The following MUC13 variants were observed in gnomAD, a reference collection of about 807,000 sequenced individuals.
MUC13 encodes the protein mucin-13.
MUC13 carries 32 observed loss-of-function variants against 48.3 expected under a neutral mutation model. The ratio of observed to expected loss-of-function variants is 0.66; its 90% CI spans 0.50 to 0.89. MUC13 has a LOEUF of 0.89. Ranked by LOEUF, MUC13 falls within the 40% of genes least tolerant of loss-of-function variation. The probability of loss-of-function intolerance (pLI) is 0.00; values close to 1 mark genes in which losing one functional copy is unlikely to be tolerated. For synonymous variants in MUC13, 199 were observed against 224.9 expected (o/e 0.88, Z 1.03); for missense variants, 571 against 622.8 (o/e 0.92, Z 0.88).
At chr3:124,920,761 G>T (rs1935580889) in intron 4 of MUC13, among the ~76,000 whole-genome samples, 2 of 152,250 alleles carry the variant, frequency 1.3e-5, no homozygotes, top group Non-Finnish European at 2.9e-5. Flanking sequence ...GCTCAGTAAA[G>T]CCACATGAAG....
chr3:124,925,061 A>G (rs926451019), intron 2 of MUC13, among the ~76,000 whole-genome samples: 1 of 152,216 alleles, frequency 6.6e-6, no homozygotes, highest in Non-Finnish European at 1.5e-5. Context: ...CATGAGTGCC[A>G]CTACTTGGAA....
intron 4 of MUC13, 23 bp from the exon 5 acceptor site, chr3:124,920,312 TAAC>T (rs1935573183): frequency 3.8e-6 from 6 of 1,570,050 alleles, no homozygotes; most frequent in Non-Finnish European, 5.2e-6. Flanking sequence ...ACAGATTTAA[TAAC>T]AAGTAAAAAA....
Position 124,912,001 on chromosome 3 carries a change from A to G in MUC13, c.1252+103T>C, listed in dbSNP as rs190726352. 279 of 1,462,878 alleles carry G rather than the reference A, an allele frequency of 1.9e-4. 2 individuals carry two copies. In the East Asian group the frequency reaches 6.6e-3, roughly 35 times the overall value. 90.6% of individuals were successfully genotyped at this position (1,462,878 alleles called of 1,614,324 possible). ...CAGATGGTCTCTCTCTTTATGAAAG[A>G]GGACAGAGACTTTGAAGGACTGGGC... On this transcript the variant is annotated intron_variant, in intron 9 of 11. Transcript: ENST00000616727.
chr3:124,916,111 C>A (rs914393339), intron 6 of MUC13, among the ~76,000 whole-genome samples: 1 of 152,126 alleles, frequency 6.6e-6, no homozygotes, highest in Non-Finnish European at 1.5e-5. Context: ...ACACACTGGT[C>A]AGTTTGATGA....
At chr3:124,907,978 CG>C (rs1935346532) in intron 11 of MUC13, among the ~76,000 whole-genome samples, 168 bp downstream of exon 11, 1 of 152,094 alleles carries the variant, frequency 6.6e-6, no homozygotes, top group Non-Finnish European at 1.5e-5. Flanking sequence ...CTCAGAGTTA[CG>C]ACAGCAGGGA....
At chr3:124,921,294 C>T (rs1000941597) in intron 4 of MUC13, among the ~76,000 whole-genome samples, 8 of 152,058 alleles carry the variant, frequency 5.3e-5, no homozygotes, top group Non-Finnish European at 1.2e-4. Context: ...GGATTACAGG[C>T]GCCTGCCACC....
chr3:124,912,072 C>A (rs1355052488), intron 9 of MUC13, 32 bp downstream of exon 9: 10 of 1,607,408 alleles, frequency 6.2e-6, no homozygotes, highest in African/African-American at 1.3e-5. Context: ...TGTTTAATAA[C>A]TTGTTTATAA....
At chr3:124,911,816 A>C (rs1255981868) in intron 9 of MUC13, among the ~76,000 whole-genome samples, 1 of 152,152 alleles carries the variant, frequency 6.6e-6, no homozygotes, top group Admixed American at 6.5e-5. Context: ...AATGCAGGAA[A>C]TCAACATAAT....
intron 6 of MUC13, 130 bp downstream of exon 6, chr3:124,916,187 A>C: frequency 1.4e-6 from 1 of 725,152 alleles, no homozygotes; most frequent in Non-Finnish European, 2.3e-6. Context: ...AATTGGATAA[A>C]AAGAAATTTA....
At chr3:124,925,290 AG>A (rs1215196242) in intron 2 of MUC13, among the ~76,000 whole-genome samples, 1 of 152,244 alleles carries the variant, frequency 6.6e-6, no homozygotes, top group African/African-American at 2.4e-5. Flanking sequence ...GACAGTAAAA[AG>A]ATCTGTGGTT....
At position 124,913,196 on chromosome 3, in the gene MUC13, G is replaced by T; in HGVS notation, c.1129C>A (p.Gln377Lys). Residue 377 changes from glutamine to lysine, a missense_variant, in exon 8 of 12, where the codon CAA becomes AAA. Transcript: ENST00000616727. ...CCACCACTCTTCTTTATTAAGCATT[G>T]CTTGTGCTGTGCGTTGCAGGCATCA... ...CPDACNAQHKQCLIKKSGGAP... is the reference protein window; with the variant it reads ...CPDACNAQHKKCLIKKSGGAP... The T allele has an allele frequency of 1.2e-6, 2 of 1,614,066 alleles. No individual in the cohort carries two copies. The highest frequency in any genetic ancestry group is 1.7e-6 in the Non-Finnish European group (2 of 1,179,968).
At chr3:124,920,174 A>C in intron 5 of MUC13, 60 bp downstream of exon 5, 2 of 1,438,996 alleles carry the variant, frequency 1.4e-6, no homozygotes, top group Non-Finnish European at 1.9e-6. Flanking sequence ...AGACCTCAAG[A>C]GAAGCTCGGA....
At chr3:124,932,030 A>G (rs1343604119) in intron 1 of MUC13, among the ~76,000 whole-genome samples, 2 of 152,140 alleles carry the variant, frequency 1.3e-5, no homozygotes, top group Non-Finnish European at 2.9e-5. Context: ...GGGCAACAAG[A>G]ACAAAACTCT....
intron 1 of MUC13, among the ~76,000 whole-genome samples, chr3:124,933,721 G>T (rs192993493): frequency 6.6e-6 from 1 of 152,164 alleles, no homozygotes; most frequent in South Asian, 2.1e-4. Context: ...TCAGGAAGTT[G>T]GGTGTTCATG....
chr3:124,922,348 G>T (rs764970217), intron 3 of MUC13, 45 bp from the exon 4 acceptor site: 5 of 1,584,028 alleles, frequency 3.2e-6, no homozygotes, highest in Non-Finnish European at 1.7e-6. Flanking sequence ...ATGAAAAGAG[G>T]GTCATTTCCA....
chr3:124,923,476 CT>C, intron 3 of MUC13, 50 bp downstream of exon 3: 1 of 1,571,088 alleles, frequency 6.4e-7, no homozygotes, highest in Non-Finnish European at 8.6e-7. Flanking sequence ...TTCGATTCCA[CT>C]TTTGGTGTGA....
At chr3:124,923,113 A>AAC (rs1309049641) in intron 3 of MUC13, among the ~76,000 whole-genome samples, 3 of 151,550 alleles carry the variant, frequency 2.0e-5, no homozygotes, top group Non-Finnish European at 2.9e-5. Context: ...AAAAAAAAAA[A>AAC]AAACAGAACT....
intron 6 of MUC13, 95 bp from the exon 7 acceptor site, chr3:124,913,776 G>C (rs1302228127): frequency 6.8e-7 from 1 of 1,476,652 alleles, no homozygotes; most frequent in African/African-American, 1.4e-5. Context: ...GTTATACTTT[G>C]CCTTTTAATA....
chr3:124,906,703 A>G lies in MUC13; in HGVS notation c.*40T>C, dbSNP rs978892388. ...AAACACTCTAAATAATAGCTTGTAC[A>G]TTGGTTGGGGGCCATGGCGGGTTCC... is the stretch of plus-strand genomic sequence containing the variant. On this transcript the variant is annotated 3_prime_UTR_variant, in exon 12 of 12. Coordinates refer to ENST00000616727, the MANE Select transcript of MUC13 (RefSeq NM_033049.4). 2 of 152,094 alleles carry G rather than the reference A, an allele frequency of 1.3e-5. No individual in the cohort carries two copies. The highest frequency in any genetic ancestry group is 4.8e-5 in the African/African-American group (2 of 41,410). The allele number at this position is 152,094 out of a possible 1,614,324, so 9.4% of individuals were successfully genotyped here. A position where few individuals can be genotyped will look rare whatever the true frequency, so the allele number is the denominator to read the frequency against.
Sources: allele counts gnomAD v4.1 joint callset (sites outside exome capture counted in the v4.1 genomes callset), GRCh38; gene constraint gnomAD v4.1.1; transcripts MANE v1.5; gene names NCBI Gene and HGNC (gene_info 2026-07-23, HGNC 2026-07-21).